RINT1: variants seen among roughly 807,000 people sequenced by gnomAD.
The protein encoded by RINT1 is RAD50-interacting protein 1.
Under a neutral mutation model 97.7 loss-of-function variants are expected in RINT1, and 75 were observed. That is an observed-to-expected ratio of 0.77 (90% confidence interval 0.64 to 0.93). The LOEUF (loss-of-function observed/expected upper bound fraction) is 0.93, where lower values mean the gene tolerates loss of function less well. Among genes scored for constraint, RINT1 ranks in the 40% least tolerant of loss-of-function variants. RINT1 has a pLI of 0.00. For synonymous variants in RINT1, 303 were observed against 326.3 expected (o/e 0.93, Z 0.77); for missense variants, 892 against 925.2 (o/e 0.96, Z 0.47).
chr7:105,538,729 T>C (rs1355614), intron 3 of RINT1, among the ~76,000 whole-genome samples: 38,286 of 152,136 alleles, frequency 0.25, 5,788 homozygotes, highest in African/African-American at 0.42. Context: ...AGCATGAATT[T>C]AGTAGCATTG....
At chr7:105,544,061 T>C (rs2133378107) in intron 4 of RINT1, among the ~76,000 whole-genome samples, 1 of 151,994 alleles carries the variant, frequency 6.6e-6, no homozygotes, top group East Asian at 1.9e-4. Context: ...GGTTGTGCCA[T>C]TGCACTGCAG....
At chr7:105,558,082 A>T (rs929489397) in intron 11 of RINT1, among the ~76,000 whole-genome samples, 26 of 152,120 alleles carry the variant, frequency 1.7e-4, no homozygotes, top group African/African-American at 6.0e-4. Flanking sequence ...TGGGAGGCCA[A>T]GGTGTGTGGA....
chr7:105,547,369 C>CT (rs753778082), intron 6 of RINT1, 36 bp downstream of exon 6: 25 of 1,605,382 alleles, frequency 1.6e-5, no homozygotes, highest in African/African-American at 2.7e-5. Context: ...ACTAAAATTT[C>CT]TTTTTTCTAG....
intron 10 of RINT1, 96 bp downstream of exon 10, chr7:105,551,803 T>A: frequency 6.9e-6 from 7 of 1,015,426 alleles, no homozygotes; most frequent in Non-Finnish European, 8.5e-6. Context: ...CAGTGGCTCA[T>A]GCCTGTAATC....
Position 105,565,565 on chromosome 7 carries a change from A to C in RINT1, c.2103A>C (p.Ala701=). The C allele has an allele frequency of 1.2e-6, 2 of 1,614,072 alleles. No homozygotes were observed. Among genetic ancestry groups the C allele is most frequent in the Non-Finnish European group, 1.7e-6 (2 of 1,179,932 alleles). Residue 701 remains alanine, a synonymous_variant, in exon 14 of 15, where the codon GCA becomes GCC. Coordinates refer to ENST00000257700, the MANE Select transcript of RINT1 (RefSeq NM_021930.6). The part of the protein sequence containing the change: ...ILANHFNEGG[A]AQLQFDMTRN... Reference sequence around the variant, plus strand: ...CTAATCACTTCAATGAAGGAGGAGCAGCCCAGCTGCAGTTTGATATGACTC... The same window carrying C: ...CTAATCACTTCAATGAAGGAGGAGCCGCCCAGCTGCAGTTTGATATGACTC...
In RINT1 at chr7:105,550,113, A is replaced by G. The variant is rs145829580; in HGVS notation, c.1055A>G (p.Asp352Gly). 26 of 1,613,854 alleles carry G rather than the reference A, an allele frequency of 1.6e-5. No homozygotes were observed. The highest frequency in any genetic ancestry group is 1.7e-5 in the Admixed American group (1 of 59,992). ...MWIGNHTEFL[D>G]EKIQPILDKV... is the part of the protein sequence containing the mutation. Reference sequence around the variant, plus strand: ...ATTGGAAACCATACTGAATTTCTGGATGAGAAGATTCAGCCAATATTAGAC... The same window carrying G: ...ATTGGAAACCATACTGAATTTCTGGGTGAGAAGATTCAGCCAATATTAGAC... The change falls in exon 8 of 15, where the codon GAT (aspartate) becomes GGT (glycine). Residue 352 changes from aspartate (D) to glycine (G), a missense_variant. Physicochemically the swap from Asp to Gly is moderately conservative, Grantham distance 94 (BLOSUM62 -1). Coordinates refer to ENST00000257700, the MANE Select transcript of RINT1 (RefSeq NM_021930.6).
chr7:105,550,238 C>T, intron 8 of RINT1, 23 bp from the exon 9 acceptor site: 1 of 1,609,688 alleles, frequency 6.2e-7, no homozygotes, highest in Non-Finnish European at 8.5e-7. Flanking sequence ...ATTTACATAC[C>T]TCATGTTTGT....
At chr7:105,543,908 G>A (rs913750728) in intron 4 of RINT1, among the ~76,000 whole-genome samples, 1 of 151,382 alleles carries the variant, frequency 6.6e-6, no homozygotes. Context: ...GACCAACATG[G>A]TGAAACCCCG....
chr7:105,557,784 A>T (rs1791248553), intron 11 of RINT1, among the ~76,000 whole-genome samples: 1 of 152,150 alleles, frequency 6.6e-6, no homozygotes, highest in Admixed American at 6.6e-5. Flanking sequence ...GGGCAAAAAT[A>T]AATATAATAA....
rs746885260 is a variant in RINT1, at chr7:105,532,393, G to C, written c.42+36G>C. ...CCTGGCGTCCCTGGGAGGGGACATT[G>C]GTGGCCCATTGAGGTGGCACAGACC... is the stretch of plus-strand genomic sequence containing the variant. On this transcript the variant is annotated intron_variant, in intron 1 of 14. Coordinates refer to ENST00000257700, the MANE Select transcript of RINT1 (RefSeq NM_021930.6). 4 of 1,589,190 alleles carry C rather than the reference G, an allele frequency of 2.5e-6. No individual in the cohort carries two copies. In the Admixed American group the frequency reaches 7.0e-5, roughly 28 times the overall value.
At position 105,546,922 on chromosome 7, in the gene RINT1, G is replaced by T; in HGVS notation, c.528G>T (p.Gln176His). 2 of 1,601,952 alleles carry T rather than the reference G, an allele frequency of 1.2e-6. No homozygotes were observed. Among genetic ancestry groups the T allele is most frequent in the Non-Finnish European group, 1.7e-6 (2 of 1,176,758 alleles). Residue 176 changes from glutamine to histidine, a missense_variant, in exon 5 of 15, where the codon CAG becomes CAT. Transcript: ENST00000257700. Reference sequence around the variant, plus strand: ...ACTTTGTTTACAGTGATAACATTCAGCAATATCTGATGACCAATAATGTAC... The same window carrying T: ...ACTTTGTTTACAGTGATAACATTCATCAATATCTGATGACCAATAATGTAC... ...SQIEELSDNI[Q>H]QYLMTNNVPE...
At chr7:105,550,629 T>C in intron 9 of RINT1, 143 bp downstream of exon 9, 1 of 634,208 alleles carries the variant, frequency 1.6e-6, no homozygotes, top group Non-Finnish European at 2.7e-6. Flanking sequence ...CCTTCAGAGA[T>C]AATCTTTTCT....
intron 7 of RINT1, 22 bp downstream of exon 7, chr7:105,548,732 C>T: frequency 1.3e-6 from 2 of 1,580,566 alleles, no homozygotes; most frequent in Non-Finnish European, 1.7e-6. Context: ...CAGCTCTTGT[C>T]CTTGGTTTTT....
At chr7:105,559,814 G>C (rs900861554) in intron 11 of RINT1, among the ~76,000 whole-genome samples, 2 of 152,180 alleles carry the variant, frequency 1.3e-5, no homozygotes, top group East Asian at 1.9e-4. Context: ...AGTGAATACT[G>C]TATAAGTAAA....
At chr7:105,545,238 C>T (rs1435296326) in intron 4 of RINT1, among the ~76,000 whole-genome samples, 2 of 151,636 alleles carry the variant, frequency 1.3e-5, no homozygotes, top group African/African-American at 2.4e-5. Context: ...ATCGCTTGAG[C>T]TCTGAATTCT....
intron 2 of RINT1, 73 bp downstream of exon 2, chr7:105,532,942 A>T: frequency 7.1e-7 from 1 of 1,403,978 alleles, no homozygotes; most frequent in Non-Finnish European, 1.0e-6. Context: ...CAATATAGAA[A>T]GGTTCTTTGC....
chr7:105,557,615 A>G (rs1791239806), intron 11 of RINT1, among the ~76,000 whole-genome samples: 1 of 152,188 alleles, frequency 6.6e-6, no homozygotes, highest in Non-Finnish European at 1.5e-5. Flanking sequence ...TTAATACACT[A>G]TATAGTACAT....
At position 105,542,539 on chromosome 7, in the gene RINT1, G is replaced by A. The variant is rs1790500972; in HGVS notation, c.405G>A (p.Leu135=). 6.2e-7 allele frequency: 1 copy of A among 1,614,154 alleles called. No individual in the cohort carries two copies. The highest frequency in any genetic ancestry group is 2.2e-5 in the East Asian group (1 of 44,880). ...THLFSAINSH[L]LTAQPWMDDL... is the part of the protein sequence containing the mutation. Reference sequence around the variant, plus strand: ...TCTTCAGCGCCATTAACAGCCATTTGCTGACTGCGCAACCTTGGATGGACG... The same window carrying A: ...TCTTCAGCGCCATTAACAGCCATTTACTGACTGCGCAACCTTGGATGGACG... Residue 135 remains leucine (L), a synonymous_variant, in exon 4 of 15, where the codon TTG becomes TTA. Coordinates refer to ENST00000257700, the MANE Select transcript of RINT1 (RefSeq NM_021930.6).
chr7:105,560,714 G>GT (rs1791402136), intron 11 of RINT1, among the ~76,000 whole-genome samples: 1 of 151,648 alleles, frequency 6.6e-6, no homozygotes, highest in Admixed American at 6.6e-5. Flanking sequence ...GTAGCCAAAT[G>GT]TTTTTTATTT....
Sources: allele counts gnomAD v4.1 joint callset (sites outside exome capture counted in the v4.1 genomes callset), GRCh38; gene constraint gnomAD v4.1.1; transcripts MANE v1.5; gene names NCBI Gene and HGNC (gene_info 2026-07-23, HGNC 2026-07-21).